Variants in RPTOR observed in about 807,000 individuals in gnomAD.
RPTOR encodes regulatory associated protein of MTOR complex 1.
RPTOR carries 21 observed loss-of-function variants against 169.9 expected under a neutral mutation model. The ratio of observed to expected loss-of-function variants is 0.12; its 90% CI spans 0.09 to 0.18. The LOEUF is 0.18. RPTOR is among the 10% of genes least tolerant of loss of function. The pLI is 1.00. For missense variants in RPTOR, 1,133 were observed against 1,855.9 expected, an observed-to-expected ratio of 0.61 and a Z score of 7.16; for synonymous variants, 732 against 753.2, an observed-to-expected ratio of 0.97 and a Z score of 0.46.
chr17:80,862,175 A>G (rs960718918), intron 13 of RPTOR, among the ~76,000 whole-genome samples: 3 of 152,108 alleles, frequency 2.0e-5, no homozygotes, highest in African/African-American at 7.2e-5. Flanking sequence ...CCTTGCCTGC[A>G]GTGTTCTTGT....
chr17:80,732,717 A>T (rs2315921), intron 5 of RPTOR, among the ~76,000 whole-genome samples: 42,385 of 152,144 alleles, frequency 0.28, 5,956 homozygotes, highest in Middle Eastern at 0.3. Context: ...GTCTCTTATA[A>T]AAACAGTGGA....
intron 28 of RPTOR, among the ~76,000 whole-genome samples, chr17:80,951,261 A>G (rs566553348): frequency 8.3e-4 from 127 of 152,332 alleles, no homozygotes; most frequent in African/African-American, 2.9e-3. Flanking sequence ...GCTGCAGGAA[A>G]CAAGACTTGG....
At chr17:80,682,012 G>A (rs1047784082) in intron 3 of RPTOR, among the ~76,000 whole-genome samples, 4 of 151,912 alleles carry the variant, frequency 2.6e-5, no homozygotes, top group African/African-American at 9.7e-5. Flanking sequence ...TTAAAATGAT[G>A]TAGCAGGCTG....
intron 3 of RPTOR, among the ~76,000 whole-genome samples, chr17:80,705,347 G>A (rs536051724): frequency 1.6e-4 from 24 of 152,350 alleles, no homozygotes; most frequent in African/African-American, 5.1e-4. Flanking sequence ...CCAGGGCTCC[G>A]CACTGTCCTG....
At chr17:80,819,457 G>A (rs150418443) in intron 7 of RPTOR, among the ~76,000 whole-genome samples, 3 of 152,290 alleles carry the variant, frequency 2.0e-5, no homozygotes, top group African/African-American at 7.2e-5. Flanking sequence ...CTGCTGCGTC[G>A]TGGTTGTTGC....
chr17:80,812,843 C>T (rs1308139456), intron 7 of RPTOR, among the ~76,000 whole-genome samples: 1 of 152,270 alleles, frequency 6.6e-6, no homozygotes, highest in South Asian at 2.1e-4. Context: ...GGGAACCACA[C>T]GCCCCCAGAT....
chr17:80,703,730 C>T (rs35878324), intron 3 of RPTOR, among the ~76,000 whole-genome samples: 11,857 of 152,282 alleles, frequency 0.078, 550 homozygotes, highest in Middle Eastern at 0.13. Flanking sequence ...GTGATGGCTG[C>T]ACCTCTGCCC....
intron 1 of RPTOR, among the ~76,000 whole-genome samples, chr17:80,570,547 G>A (rs1319808541): frequency 2.0e-5 from 3 of 151,980 alleles, no homozygotes; most frequent in African/African-American, 7.3e-5. Flanking sequence ...TGCAACCTCC[G>A]CCTCCTGGGT....
At chr17:80,715,640 T>G (rs2066233427) in intron 4 of RPTOR, among the ~76,000 whole-genome samples, 1 of 151,928 alleles carries the variant, frequency 6.6e-6, no homozygotes, top group Non-Finnish European at 1.5e-5. Flanking sequence ...ACAGGTGGTG[T>G]TTGGTTACAT....
Position 80,883,495 on chromosome 17 carries a change from C to A in RPTOR, c.1650+11C>A. On this transcript the variant is annotated intron_variant, in intron 15 of 33. Coordinates refer to ENST00000306801, the MANE Select transcript of RPTOR (RefSeq NM_020761.3). The stretch of plus-strand genomic sequence containing the variant: ...TATCACACGGGGCAGGTGAGCCCCC[C>A]AGCCACCCCCAGCCCCAGAGCTCAC... 1 of 1,612,814 alleles carries A rather than the reference C, an allele frequency of 6.2e-7. No homozygotes were observed. Among genetic ancestry groups the A allele is most frequent in the Non-Finnish European group, 8.5e-7 (1 of 1,178,948 alleles).
intron 20 of RPTOR, among the ~76,000 whole-genome samples, chr17:80,896,404 GCAGCA>G (rs879522991): frequency 0.61 from 60,011 of 98,926 alleles, 18,889 homozygotes; most frequent in Non-Finnish European, 0.7. Flanking sequence ...CCCCACGGCC[GCAGCA>G]ACACCCCACA....
chr17:80,928,493 A>T lies in RPTOR; in HGVS notation c.2919+3013A>T, dbSNP rs1055850459. Among the ~76,000 whole-genome samples the T allele has an allele frequency of 2.6e-5, 4 of 152,250 alleles. No homozygotes were observed. The South Asian group carries it at 8.3e-4, about 32-fold the overall frequency. On this transcript the variant is annotated intron_variant, in intron 24 of 33. Transcript: ENST00000306801. ...AACTAAAACAGTTACCAGGTCACAA[A>T]ATAATGACCAGTTTACACTGACATG...
chr17:80,846,684 A>G (rs1281122988), intron 11 of RPTOR, 110 bp downstream of exon 11: 2 of 856,876 alleles, frequency 2.3e-6, no homozygotes, highest in African/African-American at 3.3e-5. Flanking sequence ...TGGGTCTGTG[A>G]CATCCCAGCC....
intron 4 of RPTOR, among the ~76,000 whole-genome samples, chr17:80,714,954 G>A (rs1230162663): frequency 2.0e-5 from 3 of 152,140 alleles, no homozygotes; most frequent in Admixed American, 1.3e-4. Context: ...AACCCCTGAC[G>A]TCAAGTGATC....
At chr17:80,953,799 A>G (rs1598422902) in intron 28 of RPTOR, among the ~76,000 whole-genome samples, 1 of 152,216 alleles carries the variant, frequency 6.6e-6, no homozygotes, top group Admixed American at 6.5e-5. Flanking sequence ...TCTTCTGGGC[A>G]GAAACGGGGA....
At chr17:80,640,015 A>G (rs775528684) in intron 2 of RPTOR, among the ~76,000 whole-genome samples, 5 of 152,220 alleles carry the variant, frequency 3.3e-5, no homozygotes, top group Non-Finnish European at 5.9e-5. Flanking sequence ...CTTTCAGTGT[A>G]AAGTTCTAAG....
intron 2 of RPTOR, among the ~76,000 whole-genome samples, chr17:80,632,310 G>A (rs1232281307): frequency 1.3e-5 from 2 of 152,192 alleles, no homozygotes; most frequent in African/African-American, 4.8e-5. Flanking sequence ...TTCCTCATGC[G>A]GATCCCTGTG....
rs2068175497 is a variant in RPTOR, at chr17:80,880,562, G to A, written c.1584+73G>A. On this transcript the variant is annotated intron_variant, in intron 14 of 33. Coordinates refer to ENST00000306801, the MANE Select transcript of RPTOR (RefSeq NM_020761.3). ...GCCTCTGCCCACACGCTGCACTGCG[G>A]TGGGGCCTTTTGACGGGGGCTACAG... The A allele has an allele frequency of 2.8e-6, 4 of 1,430,422 alleles. No homozygotes were observed. The African/African-American group carries it at 4.2e-5, about 15-fold the overall frequency. The allele number at this position is 1,430,422 out of a possible 1,614,324, so 88.6% of individuals were successfully genotyped here. A position where few individuals can be genotyped will look rare whatever the true frequency, so the allele number is the denominator to read the frequency against.
At chr17:80,600,491 C>G (rs2065177377) in intron 1 of RPTOR, among the ~76,000 whole-genome samples, 1 of 152,154 alleles carries the variant, frequency 6.6e-6, no homozygotes. Context: ...GCCCCAGGTA[C>G]CAGGACAGAG....
Sources: gnomAD v4.1 joint callset for allele counts (sites outside exome capture counted in the v4.1 genomes callset) on GRCh38, gnomAD v4.1.1 for gene constraint, MANE v1.5 for transcripts, NCBI Gene and HGNC (gene_info 2026-07-23, HGNC 2026-07-21) for gene names.